FUT8: variants seen among roughly 807,000 people sequenced by gnomAD.
FUT8 encodes alpha-(1,6)-fucosyltransferase.
In FUT8, 29 loss-of-function variants were observed where a neutral mutation model predicts 71.3. That is an observed-to-expected ratio of 0.41 (90% CI 0.30 to 0.55). The LOEUF (loss-of-function observed/expected upper bound fraction) is 0.55. FUT8 is among the 20% of genes least tolerant of loss of function. FUT8 has a pLI of 0.34. For missense variants in FUT8, 544 were observed against 702.1 expected (o/e 0.77, Z 2.55); for synonymous variants, 254 against 239.3 (o/e 1.06, Z -0.57).
intron 2 of FUT8, among the ~76,000 whole-genome samples, chr14:65,507,038 A>G (rs2066747200): frequency 6.6e-6 from 1 of 152,216 alleles, no homozygotes; most frequent in Admixed American, 6.5e-5. Context: ...ACTTGCATTT[A>G]TGCGGTAAGA....
chr14:65,672,443 A>G (rs1282995670), intron 7 of FUT8, among the ~76,000 whole-genome samples: 4 of 152,058 alleles, frequency 2.6e-5, no homozygotes, highest in Non-Finnish European at 5.9e-5. Context: ...GTACCTTTCA[A>G]CAATATTTAT....
At chr14:65,595,586 T>C (rs1224439815) in intron 3 of FUT8, among the ~76,000 whole-genome samples, 1 of 151,120 alleles carries the variant, frequency 6.6e-6, no homozygotes, top group African/African-American at 2.4e-5. Flanking sequence ...TGACGATTTA[T>C]CTTCTACACC....
intron 10 of FUT8, 44 bp downstream of exon 10, chr14:65,733,425 T>A: frequency 6.9e-7 from 1 of 1,448,922 alleles, no homozygotes; most frequent in Non-Finnish European, 9.3e-7. Context: ...TACTTTTTGG[T>A]TGTATAGGAG....
At chr14:65,553,373 T>A (rs1322064357) in intron 2 of FUT8, among the ~76,000 whole-genome samples, 1 of 152,164 alleles carries the variant, frequency 6.6e-6, no homozygotes, top group Non-Finnish European at 1.5e-5. Context: ...TCATATGTTT[T>A]ACATCTACAT....
chr14:65,690,761 G>C (rs912014058), intron 7 of FUT8, among the ~76,000 whole-genome samples: 3 of 148,114 alleles, frequency 2.0e-5, no homozygotes, highest in Non-Finnish European at 3.0e-5. Flanking sequence ...GTCTCGCTCT[G>C]TCACCCAGGC....
intron 6 of FUT8, among the ~76,000 whole-genome samples, chr14:65,635,208 A>G (rs895015238): frequency 3.3e-5 from 5 of 152,188 alleles, no homozygotes; most frequent in African/African-American, 1.2e-4. Flanking sequence ...CGTAAACTCT[A>G]CTGAATTCTT....
intron 2 of FUT8, among the ~76,000 whole-genome samples, chr14:65,522,303 A>C (rs1883134233): frequency 6.6e-6 from 1 of 152,104 alleles, no homozygotes. Flanking sequence ...TATTCTTTAC[A>C]CCATAAACAT....
At chr14:65,434,797 T>C (rs2065530233) in intron 1 of FUT8, among the ~76,000 whole-genome samples, 1 of 152,224 alleles carries the variant, frequency 6.6e-6, no homozygotes, top group African/African-American at 2.4e-5. Context: ...CTTTTTTTTC[T>C]TTTATCCCAA....
chr14:65,641,848 ATCT>A (rs1890857263), intron 6 of FUT8, among the ~76,000 whole-genome samples: 1 of 151,280 alleles, frequency 6.6e-6, no homozygotes, highest in African/African-American at 2.4e-5. Context: ...GTCTGCTTAA[ATCT>A]TCTGCCTATT....
chr14:65,438,119 T>A (rs2065588620), intron 1 of FUT8, among the ~76,000 whole-genome samples: 1 of 152,212 alleles, frequency 6.6e-6, no homozygotes, highest in Non-Finnish European at 1.5e-5. Context: ...CAAAAGTTGT[T>A]TGTCCATTTC....
intron 1 of FUT8, among the ~76,000 whole-genome samples, chr14:65,419,803 T>G (rs997434684): frequency 6.6e-6 from 1 of 152,186 alleles, no homozygotes; most frequent in East Asian, 1.9e-4. Context: ...TCCTGTCTTA[T>G]GCTTGGTAAA....
chr14:65,577,636 ATAAT>A (rs973452289), intron 3 of FUT8, among the ~76,000 whole-genome samples: 1 of 152,184 alleles, frequency 6.6e-6, no homozygotes, highest in African/African-American at 2.4e-5. Context: ...CTAATGTAAA[ATAAT>A]TAACACAATG....
At position 65,428,100 on chromosome 14, in the gene FUT8, C is replaced by T. The variant is rs117880808; in HGVS notation, c.-326+14886C>T. Among the ~76,000 whole-genome samples, 622 of 152,316 alleles carry T rather than the reference C, an allele frequency of 4.1e-3. 15 individuals carry two copies. In the East Asian group the frequency reaches 0.074, roughly 18 times the overall value. ...TTAACCACTTGTCCCCTCTCGGCCTCTGCTTTTTCTTCCATAAAATGAATT... is the reference window on the plus strand; with the variant it reads ...TTAACCACTTGTCCCCTCTCGGCCTTTGCTTTTTCTTCCATAAAATGAATT... On this transcript the variant is annotated intron_variant, in intron 1 of 10. Transcript: ENST00000673929.
intron 3 of FUT8, among the ~76,000 whole-genome samples, chr14:65,586,649 C>A (rs1887399987): frequency 6.6e-6 from 1 of 152,100 alleles, no homozygotes; most frequent in Non-Finnish European, 1.5e-5. Flanking sequence ...AATATAAAGA[C>A]ATTAGTCCAG....
chr14:65,509,088 G>A (rs1462068135), intron 2 of FUT8, among the ~76,000 whole-genome samples: 1 of 151,974 alleles, frequency 6.6e-6, no homozygotes, highest in Non-Finnish European at 1.5e-5. Flanking sequence ...TCAATATTTT[G>A]ATTTGAGTTT....
chr14:65,410,170 T>C (rs996586407), upstream of FUT8, among the ~76,000 whole-genome samples: 9 of 152,230 alleles, frequency 5.9e-5, no homozygotes, highest in Admixed American at 2.0e-4. Flanking sequence ...GGAATTTTCT[T>C]GTCTGGAGAG....
chr14:65,527,795 G>A (rs1883602142), intron 2 of FUT8, among the ~76,000 whole-genome samples: 2 of 152,186 alleles, frequency 1.3e-5, no homozygotes, highest in South Asian at 4.1e-4. Flanking sequence ...CAGGTCTGTT[G>A]GAGTTTGCTG....
intron 7 of FUT8, among the ~76,000 whole-genome samples, chr14:65,694,474 T>C (rs1457107828): frequency 6.6e-6 from 1 of 152,236 alleles, no homozygotes; most frequent in African/African-American, 2.4e-5. Flanking sequence ...TCCATTGTGG[T>C]TTGAGAGCAT....
intron 6 of FUT8, among the ~76,000 whole-genome samples, chr14:65,644,878 CT>C (rs1398468522): frequency 6.6e-6 from 1 of 152,144 alleles, no homozygotes; most frequent in African/African-American, 2.4e-5. Context: ...GACATACATA[CT>C]TTCTCTGTAA....
Sources: allele counts gnomAD v4.1 joint callset (sites outside exome capture counted in the v4.1 genomes callset), GRCh38; gene constraint gnomAD v4.1.1; transcripts MANE v1.5; gene names NCBI Gene and HGNC (gene_info 2026-07-23, HGNC 2026-07-21).